Variants in AGBL4 observed in about 807,000 individuals in gnomAD.
The protein encoded by AGBL4 is cytosolic carboxypeptidase 6.
Under a neutral mutation model 66.4 loss-of-function variants are expected in AGBL4, and 58 were observed. The ratio of observed to expected loss-of-function variants is 0.87; its 90% confidence interval spans 0.71 to 1.09. The LOEUF is 1.09. Ranked by LOEUF, AGBL4 falls within the 50% of genes least tolerant of loss-of-function variation. The pLI is 0.00. For missense variants in AGBL4, 579 were observed against 631.0 expected (o/e 0.92, Z 0.88); for synonymous variants, 234 against 222.9 (o/e 1.05, Z -0.44).
chr1:49,955,364 T>A (rs1283669466), intron 1 of AGBL4, among the ~76,000 whole-genome samples: 3 of 151,954 alleles, frequency 2.0e-5, no homozygotes, highest in Admixed American at 2.0e-4. Flanking sequence ...GAAAACAGAA[T>A]TACATTGGGT....
At chr1:48,619,820 T>C (rs1370962999) in intron 9 of AGBL4, among the ~76,000 whole-genome samples, 1 of 152,186 alleles carries the variant, frequency 6.6e-6, no homozygotes. Flanking sequence ...ACAGTGGCCT[T>C]AGCTGCCAAT....
At chr1:48,866,391 C>T (rs550376497) in intron 6 of AGBL4, among the ~76,000 whole-genome samples, 19 of 152,324 alleles carry the variant, frequency 1.2e-4, no homozygotes, top group Admixed American at 9.8e-4. Flanking sequence ...CCCAACTCCC[C>T]ACAGTCCAGT....
At chr1:50,009,526 T>A (rs1318028149) in intron 1 of AGBL4, among the ~76,000 whole-genome samples, 1 of 147,660 alleles carries the variant, frequency 6.8e-6, no homozygotes, top group African/African-American at 2.5e-5. Context: ...CTCAACACAA[T>A]AAAAAACCTA....
At chr1:48,887,622 C>A (rs1650499756) in intron 5 of AGBL4, among the ~76,000 whole-genome samples, 1 of 152,106 alleles carries the variant, frequency 6.6e-6, no homozygotes, top group Non-Finnish European at 1.5e-5. Context: ...AGCAATGAGG[C>A]AGAGTCAGTA....
intron 8 of AGBL4, among the ~76,000 whole-genome samples, chr1:48,647,011 TTC>T (rs1253585476): frequency 6.6e-6 from 1 of 152,236 alleles, no homozygotes; most frequent in African/African-American, 2.4e-5. Flanking sequence ...TCTGATTTCC[TTC>T]TGCTTCCCCA....
intron 1 of AGBL4, among the ~76,000 whole-genome samples, chr1:49,948,119 TAA>T (rs1655565077): frequency 1.3e-5 from 1 of 79,290 alleles, no homozygotes; most frequent in Non-Finnish European, 2.2e-5. Flanking sequence ...TAAATGTATG[TAA>T]ATATATATAA....
chr1:49,402,700 TGGGATTA>T (rs2148613852), intron 3 of AGBL4, among the ~76,000 whole-genome samples: 1 of 152,140 alleles, frequency 6.6e-6, no homozygotes, highest in African/African-American at 2.4e-5. Context: ...CCTGAGTAGC[TGGGATTA>T]CAGACATGCG....
intron 9 of AGBL4, among the ~76,000 whole-genome samples, chr1:48,628,076 A>G (rs1645534228): frequency 6.6e-6 from 1 of 152,180 alleles, no homozygotes; most frequent in African/African-American, 2.4e-5. Flanking sequence ...TCATCATTCA[A>G]CAGAATATTC....
chr1:49,171,211 T>C (rs1646732505), intron 4 of AGBL4, among the ~76,000 whole-genome samples: 1 of 152,222 alleles, frequency 6.6e-6, no homozygotes, highest in Non-Finnish European at 1.5e-5. Context: ...TTTCACTTTG[T>C]AATGTTCCAG....
chr1:48,906,161 A>G (rs891528325), intron 5 of AGBL4, among the ~76,000 whole-genome samples: 2 of 152,230 alleles, frequency 1.3e-5, no homozygotes, highest in African/African-American at 4.8e-5. Flanking sequence ...ATGTGACATG[A>G]AAAACCAAAG....
chr1:49,969,905 T>C (rs934334987), intron 1 of AGBL4, among the ~76,000 whole-genome samples: 4 of 152,120 alleles, frequency 2.6e-5, no homozygotes, highest in Non-Finnish European at 5.9e-5. Flanking sequence ...CACAGACACA[T>C]AGACCAATAG....
At chr1:49,443,115 A>G (rs1033742528) in intron 3 of AGBL4, among the ~76,000 whole-genome samples, 1 of 151,990 alleles carries the variant, frequency 6.6e-6, no homozygotes, top group Non-Finnish European at 1.5e-5. Flanking sequence ...CCACTTTTTA[A>G]TGAGATTATT....
intron 9 of AGBL4, among the ~76,000 whole-genome samples, chr1:48,603,960 A>G (rs1645114277): frequency 6.6e-6 from 1 of 151,788 alleles, no homozygotes; most frequent in African/African-American, 2.4e-5. Flanking sequence ...AACAACAACA[A>G]CAACAACAAC....
intron 6 of AGBL4, among the ~76,000 whole-genome samples, chr1:48,796,722 T>C (rs1300607056): frequency 6.6e-6 from 1 of 152,140 alleles, no homozygotes; most frequent in Non-Finnish European, 1.5e-5. Flanking sequence ...ATTTCAAAGA[T>C]CTCAGCTGGT....
Position 48,634,566 on chromosome 1 carries a change from AG to A in AGBL4, c.877del (p.Leu293TrpfsTer14), listed in dbSNP as rs1475517530. 18 of 1,606,156 alleles carry A rather than the reference AG, an allele frequency of 1.1e-5. No individual in the cohort carries two copies. The highest frequency in any genetic ancestry group is 1.5e-5 in the Non-Finnish European group (18 of 1,176,260). On this transcript the variant is annotated frameshift_variant, in exon 9 of 14. Transcript: ENST00000371839. LOFTEE classifies it high-confidence loss of function. ...AGGATGGACCCATGGAGAGGGATCC[AG>A]CCAGTGACGATTCAGATCAAATCCC... ...LMGFDLNRHWLDPSPWVHPTL... is the reference protein window; with the variant it reads ...LMGFDLNRHWXDPSPWVHPTL...
intron 4 of AGBL4, among the ~76,000 whole-genome samples, chr1:49,167,888 C>T (rs1333261787): frequency 6.6e-6 from 1 of 151,700 alleles, no homozygotes; most frequent in Non-Finnish European, 1.5e-5. Context: ...ACAGATTAAA[C>T]CAACAGTGGA....
At chr1:49,147,931 T>A (rs887470116) in intron 4 of AGBL4, among the ~76,000 whole-genome samples, 2 of 152,102 alleles carry the variant, frequency 1.3e-5, no homozygotes, top group South Asian at 2.1e-4. Flanking sequence ...CACTATCCTG[T>A]CTGTGTCCAA....
intron 10 of AGBL4, among the ~76,000 whole-genome samples, chr1:48,588,831 AGAAGAGAAGAGAAG>A (rs1190664683): frequency 6.6e-6 from 1 of 150,694 alleles, no homozygotes; most frequent in Non-Finnish European, 1.5e-5. Flanking sequence ...AGAAGAGAAG[AGAAGAGAAGAGAAG>A]AGAAGAGAAG....
intron 3 of AGBL4, among the ~76,000 whole-genome samples, chr1:49,390,820 C>A (rs1644829730): frequency 6.6e-6 from 1 of 152,164 alleles, no homozygotes; most frequent in South Asian, 2.1e-4. Context: ...TCTGACCATT[C>A]ATTTATTCTG....
Sources: allele counts gnomAD v4.1 joint callset (sites outside exome capture counted in the v4.1 genomes callset), GRCh38; gene constraint gnomAD v4.1.1; transcripts MANE v1.5; gene names NCBI Gene and HGNC (gene_info 2026-07-23, HGNC 2026-07-21).